The following ATP8B1 variants were observed in gnomAD, a reference collection of about 807,000 sequenced individuals.
ATP8B1 encodes the protein ATPase phospholipid transporting 8B1.
ATP8B1 carries 80 observed loss-of-function variants against 149.9 expected under a neutral mutation model. The observed-to-expected ratio is 0.53, with a 90% CI of 0.45 to 0.64. The LOEUF is 0.64. ATP8B1 is among the 30% of genes least tolerant of loss of function. ATP8B1 has a pLI of 0.00. For synonymous variants in ATP8B1, 536 were observed against 562.8 expected, an observed-to-expected ratio of 0.95 and a Z score of 0.67; for missense variants, 1,247 against 1,552.6, an observed-to-expected ratio of 0.80 and a Z score of 3.31.
At chr18:57,659,191 G>A (rs1470113634) in intron 22 of ATP8B1, among the ~76,000 whole-genome samples, 1 of 152,128 alleles carries the variant, frequency 6.6e-6, no homozygotes, top group Non-Finnish European at 1.5e-5. Context: ...TGGGAGGATT[G>A]TTTGAGGCCA....
chr18:57,697,543 C>T, intron 8 of ATP8B1, 75 bp downstream of exon 8: 2 of 1,513,674 alleles, frequency 1.3e-6, no homozygotes, highest in Admixed American at 1.7e-5. Flanking sequence ...GTCTGGTCCA[C>T]AATGCCCCGA....
intron 1 of ATP8B1, among the ~76,000 whole-genome samples, chr18:57,769,603 T>C (rs2080248214): frequency 6.6e-6 from 1 of 152,148 alleles, no homozygotes; most frequent in South Asian, 2.1e-4. Context: ...CACTTCACTC[T>C]AAATTGATTT....
chr18:57,700,105 TC>T (rs1481619520), intron 6 of ATP8B1, among the ~76,000 whole-genome samples: 4 of 152,346 alleles, frequency 2.6e-5, no homozygotes, highest in South Asian at 2.1e-4. Context: ...AGAATTGCCT[TC>T]CAGTAGCCCT....
At chr18:57,678,586 C>CA (rs371560119) in intron 15 of ATP8B1, among the ~76,000 whole-genome samples, 4,546 of 106,282 alleles carry the variant, frequency 0.043, 70 homozygotes, top group Middle Eastern at 0.071. Flanking sequence ...GATTCTATCT[C>CA]AAAAAAAAAA....
chr18:57,650,082 C>G (rs184550760), intron 27 of ATP8B1, among the ~76,000 whole-genome samples: 1 of 152,122 alleles, frequency 6.6e-6, no homozygotes, highest in African/African-American at 2.4e-5. Flanking sequence ...ATTTGTATGA[C>G]AAAATGTTAA....
chr18:57,725,988 G>A (rs1408596543), intron 2 of ATP8B1, among the ~76,000 whole-genome samples: 1 of 152,208 alleles, frequency 6.6e-6, no homozygotes, highest in Non-Finnish European at 1.5e-5. Flanking sequence ...CCAGCACTTT[G>A]GGAAGCCAAG....
chr18:57,720,016 C>A (rs1276176393), intron 2 of ATP8B1, among the ~76,000 whole-genome samples: 4 of 151,954 alleles, frequency 2.6e-5, no homozygotes, highest in Non-Finnish European at 5.9e-5. Flanking sequence ...GGTATTCCAA[C>A]AGACCTGCAG....
intron 3 of ATP8B1, 107 bp from the exon 4 acceptor site, chr18:57,704,775 A>G (rs1460866110): frequency 2.6e-6 from 2 of 762,590 alleles, no homozygotes; most frequent in East Asian, 2.7e-5. Flanking sequence ...AAGGAACATC[A>G]TCTGTCAGAA....
intron 1 of ATP8B1, among the ~76,000 whole-genome samples, chr18:57,800,656 T>TC (rs1378841712): frequency 6.6e-6 from 1 of 152,208 alleles, no homozygotes. Flanking sequence ...TAAAGAACAT[T>TC]CATATGTTCT....
At chr18:57,685,787 TG>T in intron 13 of ATP8B1, among the ~76,000 whole-genome samples, 1 of 151,592 alleles carries the variant, frequency 6.6e-6, no homozygotes, top group Middle Eastern at 3.4e-3. Context: ...CAAAATTAGC[TG>T]GGAATGGTGG....
In ATP8B1 at chr18:57,695,172, T is replaced by C; in HGVS notation, c.939A>G (p.Ala313=). Residue 313 remains alanine, a splice_region_variant and synonymous_variant, in exon 10 of 28, where the codon GCA becomes GCG. Coordinates refer to ENST00000648908, the MANE Select transcript of ATP8B1 (RefSeq NM_001374385.1). The part of the protein sequence containing the change: ...TDFCHGLVIF[A]GADTKIMKNS... ...TTTCCCAAGAAACTCTGAACGTACC[T>C]GCAAAAATGACTAAGCCGTGGCAGA... 3 of 1,613,728 alleles carry C rather than the reference T, an allele frequency of 1.9e-6. No homozygotes were observed. Among genetic ancestry groups the C allele is most frequent in the Non-Finnish European group, 2.5e-6 (3 of 1,179,798 alleles).
intron 1 of ATP8B1, among the ~76,000 whole-genome samples, chr18:57,761,165 T>C (rs953235076): frequency 4.0e-5 from 6 of 149,352 alleles, no homozygotes; most frequent in Admixed American, 6.7e-5. Flanking sequence ...AGCCCTGAAC[T>C]CATAGCCTCA....
intron 18 of ATP8B1, 96 bp from the exon 19 acceptor site, chr18:57,668,636 A>C: frequency 1.3e-6 from 1 of 748,524 alleles, no homozygotes; most frequent in Non-Finnish European, 2.2e-6. Context: ...AAGAAGGGCT[A>C]ATTATACATC....
Position 57,662,604 on chromosome 18 carries a change from TGAA to T in ATP8B1, c.2294_2296del (p.Leu765del). Reference sequence around the variant, plus strand: ...ATTCCTCTGGTTTTCCATCCTTGCATGAAGAAGAGAACTAGGGGAAACCAAATT... The same window carrying T: ...ATTCCTCTGGTTTTCCATCCTTGCATGAAGAGAACTAGGGGAAACCAAATT... On this transcript the variant is annotated inframe_deletion, in exon 21 of 28. Coordinates refer to ENST00000648908, the MANE Select transcript of ATP8B1 (RefSeq NM_001374385.1). 6.2e-7 allele frequency: 1 copy of T among 1,614,154 alleles called. No homozygotes were observed. Among genetic ancestry groups the T allele is most frequent in the Non-Finnish European group, 8.5e-7 (1 of 1,180,002 alleles).
chr18:57,695,181 G>T lies in ATP8B1; in HGVS notation c.930C>A (p.Val310=). ...IRNTDFCHGL[V]IFAGADTKIM... ...AAACTCTGAACGTACCTGCAAAAAT[G>T]ACTAAGCCGTGGCAGAAATCGGTGT... Residue 310 remains valine (V), a synonymous_variant, in exon 10 of 28, where the codon GTC becomes GTA. Coordinates refer to ENST00000648908, the MANE Select transcript of ATP8B1 (RefSeq NM_001374385.1). The T allele has an allele frequency of 6.2e-7, 1 of 1,613,668 alleles. No homozygotes were observed. The highest frequency in any genetic ancestry group is 1.1e-5 in the South Asian group (1 of 91,052).
chr18:57,660,118 A>T (rs922952651), intron 22 of ATP8B1, among the ~76,000 whole-genome samples: 4 of 152,210 alleles, frequency 2.6e-5, no homozygotes, highest in African/African-American at 4.8e-5. Context: ...ATACTCCCTT[A>T]TAGTGACAGA....
intron 8 of ATP8B1, 131 bp from the exon 9 acceptor site, chr18:57,695,663 T>C (rs1269851495): frequency 2.0e-5 from 15 of 765,308 alleles, no homozygotes; most frequent in Non-Finnish European, 3.1e-5. Flanking sequence ...ATTTTCAAAC[T>C]CTGTTCACCT....
At chr18:57,737,243 C>T (rs2079866454) in intron 1 of ATP8B1, among the ~76,000 whole-genome samples, 2 of 145,610 alleles carry the variant, frequency 1.4e-5, no homozygotes, top group Admixed American at 1.4e-4. Flanking sequence ...GCCACCACGC[C>T]AGGCTTTGTT....
chr18:57,747,191 A>G (rs1339216680), intron 1 of ATP8B1, among the ~76,000 whole-genome samples: 6 of 152,178 alleles, frequency 3.9e-5, no homozygotes, highest in Non-Finnish European at 8.8e-5. Flanking sequence ...GGTGGCTCAT[A>G]CCTGTAATCC....
Sources: allele counts gnomAD v4.1 joint callset (sites outside exome capture counted in the v4.1 genomes callset), GRCh38; gene constraint gnomAD v4.1.1; transcripts MANE v1.5; gene names NCBI Gene and HGNC (gene_info 2026-07-23, HGNC 2026-07-21).